Variants in CTIF observed in about 807,000 individuals in gnomAD.
CTIF encodes cap binding complex dependent translation initiation factor.
Under a neutral mutation model 66.0 loss-of-function variants are expected in CTIF, and 21 were observed. That is an observed-to-expected ratio of 0.32 (90% confidence interval 0.23 to 0.46). CTIF has a LOEUF of 0.46. CTIF is among the 20% of genes least tolerant of loss of function. The pLI is 1.00. For missense variants in CTIF, 739 were observed against 812.7 expected, an observed-to-expected ratio of 0.91 and a Z score of 1.10; for synonymous variants, 345 against 326.4, an observed-to-expected ratio of 1.06 and a Z score of -0.62.
intron 1 of CTIF, among the ~76,000 whole-genome samples, chr18:48,544,044 C>A (rs149375123): frequency 3.3e-5 from 5 of 152,182 alleles, no homozygotes; most frequent in African/African-American, 7.2e-5. Context: ...TCCTCAGGAA[C>A]CTTTTGGAAG....
chr18:48,698,595 G>C (rs2092040178), intron 6 of CTIF, among the ~76,000 whole-genome samples: 1 of 152,188 alleles, frequency 6.6e-6, no homozygotes, highest in African/African-American at 2.4e-5. Flanking sequence ...TTTATTTAAA[G>C]AAACTCTAAG....
chr18:48,802,266 T>C (rs1377096410), intron 9 of CTIF, among the ~76,000 whole-genome samples: 1 of 152,210 alleles, frequency 6.6e-6, no homozygotes, highest in Non-Finnish European at 1.5e-5. Flanking sequence ...CTTCATGTCA[T>C]GGATAAGACC....
chr18:48,695,255 G>A (rs2091989088), intron 6 of CTIF, among the ~76,000 whole-genome samples: 1 of 152,212 alleles, frequency 6.6e-6, no homozygotes, highest in Non-Finnish European at 1.5e-5. Context: ...CCTTTCTGTA[G>A]CTTGTTTAAA....
At chr18:48,573,461 T>C (rs1030784204) in intron 1 of CTIF, among the ~76,000 whole-genome samples, 19 of 152,252 alleles carry the variant, frequency 1.2e-4, no homozygotes, top group Admixed American at 1.1e-3. Context: ...TGTTTATTTT[T>C]GTACATGTGT....
At chr18:48,567,551 G>A (rs2089305917) in intron 1 of CTIF, 1 of 152,198 alleles carries the variant, frequency 6.6e-6, no homozygotes, top group South Asian at 2.1e-4. Flanking sequence ...AATAAAACAA[G>A]GGCAAGTCTA....
chr18:48,649,032 A>G (rs2091105459), intron 3 of CTIF, among the ~76,000 whole-genome samples: 1 of 152,230 alleles, frequency 6.6e-6, no homozygotes, highest in African/African-American at 2.4e-5. Flanking sequence ...AGCTCCCAGC[A>G]TGATTGATGC....
intron 7 of CTIF, among the ~76,000 whole-genome samples, chr18:48,723,353 A>T (rs1478273329): frequency 6.6e-6 from 1 of 152,310 alleles, no homozygotes; most frequent in East Asian, 1.9e-4. Flanking sequence ...GAATGAATGA[A>T]TGAATGAATG....
At chr18:48,540,361 T>C (rs988663607) in intron 1 of CTIF, 2 of 4,108 alleles carry the variant, frequency 4.9e-4, no homozygotes, top group Non-Finnish European at 9.5e-4. Context: ...GCGCCGGTCA[T>C]GGGGGAGGGC....
chr18:48,690,182 A>T (rs2091905658), intron 6 of CTIF, among the ~76,000 whole-genome samples: 10 of 151,614 alleles, frequency 6.6e-5, no homozygotes, highest in Admixed American at 5.9e-4. Context: ...CTTCACCAAA[A>T]CTCATCAATT....
At chr18:48,558,871 C>G (rs1019813277) in intron 1 of CTIF, among the ~76,000 whole-genome samples, 10 of 152,204 alleles carry the variant, frequency 6.6e-5, no homozygotes, top group Non-Finnish European at 1.5e-4. Context: ...AATAAATACA[C>G]TTATTCAAAA....
chr18:48,826,963 G>C (rs563594042), intron 10 of CTIF: 1 of 152,374 alleles, frequency 6.6e-6, no homozygotes, highest in African/African-American at 2.4e-5. Context: ...GGGAGCTGGG[G>C]CTTAAGGGAA....
At chr18:48,779,802 G>A (rs1435276899) in intron 9 of CTIF, among the ~76,000 whole-genome samples, 2 of 152,220 alleles carry the variant, frequency 1.3e-5, no homozygotes, top group Non-Finnish European at 1.5e-5. Flanking sequence ...CCACTGGGCT[G>A]GTTTCCAACC....
intron 7 of CTIF, among the ~76,000 whole-genome samples, chr18:48,750,250 G>A (rs987357160): frequency 2.5e-4 from 38 of 152,198 alleles, no homozygotes; most frequent in African/African-American, 8.7e-4. Flanking sequence ...ACTGAGCCAC[G>A]GGGAGTTGAG....
intron 10 of CTIF, among the ~76,000 whole-genome samples, chr18:48,856,524 A>G (rs939284664): frequency 6.6e-6 from 1 of 152,242 alleles, no homozygotes; most frequent in Non-Finnish European, 1.5e-5. Flanking sequence ...CCATTAACAG[A>G]TGAATGGATA....
intron 10 of CTIF, among the ~76,000 whole-genome samples, chr18:48,848,119 C>T (rs922581933): frequency 2.6e-5 from 4 of 152,222 alleles, no homozygotes; most frequent in South Asian, 4.1e-4. Context: ...TTCCCCCTGT[C>T]CCCTTTGTCT....
At position 48,758,036 on chromosome 18, in the gene CTIF, C is replaced by A. The variant is rs770201937; in HGVS notation, c.702C>A (p.His234Gln). 1.2e-6 allele frequency: 2 copies of A among 1,614,080 alleles called. No homozygotes were observed. Among genetic ancestry groups the A allele is most frequent in the South Asian group, 2.2e-5 (2 of 91,076 alleles). ...QKSYQGGSAP[H>Q]PSGRPTHHGY... ...CCTACCAGGGGGGCTCAGCACCCCACCCCTCAGGGAGGCCCACTCACCATG... is the reference window on the plus strand; with the variant it reads ...CCTACCAGGGGGGCTCAGCACCCCAACCCTCAGGGAGGCCCACTCACCATG... The change falls in exon 8 of 12, where the codon CAC becomes CAA. Residue 234 changes from histidine to glutamine, a missense_variant. Physicochemically the swap from His to Gln is conservative, Grantham distance 24. Coordinates refer to ENST00000256413, the MANE Select transcript of CTIF (RefSeq NM_014772.3).
intron 7 of CTIF, among the ~76,000 whole-genome samples, chr18:48,729,911 T>C (rs1306056381): frequency 6.6e-6 from 1 of 152,210 alleles, no homozygotes; most frequent in Admixed American, 6.5e-5. Flanking sequence ...CTCCTGTTAA[T>C]CCGCTCTTTC....
intron 1 of CTIF, among the ~76,000 whole-genome samples, chr18:48,591,057 A>G (rs924982078): frequency 6.6e-6 from 1 of 152,260 alleles, no homozygotes; most frequent in East Asian, 1.9e-4. Flanking sequence ...GGCCAGGGAG[A>G]GCTATTTCCA....
At chr18:48,698,855 C>T (rs1027998045) in intron 6 of CTIF, among the ~76,000 whole-genome samples, 2 of 152,144 alleles carry the variant, frequency 1.3e-5, no homozygotes, top group Non-Finnish European at 2.9e-5. Context: ...GTCATTTCCC[C>T]TTGGTAGAGT....
Sources: gnomAD v4.1 joint callset for allele counts (sites outside exome capture counted in the v4.1 genomes callset) on GRCh38, gnomAD v4.1.1 for gene constraint, MANE v1.5 for transcripts, NCBI Gene and HGNC (gene_info 2026-07-23, HGNC 2026-07-21) for gene names.